Variants in PRICKLE2 observed in about 807,000 individuals in gnomAD.
The protein encoded by PRICKLE2 is prickle planar cell polarity protein 2.
PRICKLE2 carries 21 observed loss-of-function variants against 81.4 expected under a neutral mutation model. The ratio of observed to expected loss-of-function variants is 0.26; its 90% confidence interval spans 0.18 to 0.37. PRICKLE2 has a LOEUF of 0.37. Ranked by LOEUF, PRICKLE2 falls within the 10% of genes least tolerant of loss-of-function variation. The probability of loss-of-function intolerance (pLI) is 1.00; values close to 1 mark genes in which losing one functional copy is unlikely to be tolerated. For synonymous variants in PRICKLE2, 456 were observed against 421.5 expected, an observed-to-expected ratio of 1.08 and a Z score of -1.00; for missense variants, 940 against 1,109.0, an observed-to-expected ratio of 0.85 and a Z score of 2.16.
At chr3:64,151,744 T>C (rs533334271) in intron 6 of PRICKLE2, among the ~76,000 whole-genome samples, 67 of 152,306 alleles carry the variant, frequency 4.4e-4, no homozygotes, top group African/African-American at 1.6e-3. Flanking sequence ...ACACGTCTTG[T>C]CACTTGTCAC....
chr3:64,244,640 TAGAG>T (rs1485302019), intron 2 of PRICKLE2, among the ~76,000 whole-genome samples: 2 of 139,744 alleles, frequency 1.4e-5, no homozygotes, highest in African/African-American at 2.8e-5. Context: ...GTGTGTCTGA[TAGAG>T]AGGGAGAACG....
intron 7 of PRICKLE2, among the ~76,000 whole-genome samples, chr3:64,137,524 T>TA (rs2077296097): frequency 6.6e-6 from 1 of 152,102 alleles, no homozygotes; most frequent in Non-Finnish European, 1.5e-5. Flanking sequence ...AGGTTATAAA[T>TA]AAGACTTTTG....
At chr3:64,267,775 CG>C (rs1004272704) in intron 2 of PRICKLE2, 3 of 152,216 alleles carry the variant, frequency 2.0e-5, no homozygotes, top group Admixed American at 2.0e-4. Flanking sequence ...GGTGGCAAAG[CG>C]CATCTCTCCC....
At chr3:64,121,069 G>T (rs2077017037) in intron 7 of PRICKLE2, among the ~76,000 whole-genome samples, 1 of 152,124 alleles carries the variant, frequency 6.6e-6, no homozygotes, top group Non-Finnish European at 1.5e-5. Flanking sequence ...AGGCAACGTG[G>T]GTTTGGCTGG....
intron 7 of PRICKLE2, among the ~76,000 whole-genome samples, chr3:64,130,378 C>T (rs1028992857): frequency 6.6e-6 from 1 of 152,110 alleles, no homozygotes; most frequent in Non-Finnish European, 1.5e-5. Flanking sequence ...AACTTGCCCG[C>T]GGCCACAGAG....
Position 64,098,692 on chromosome 3 carries a change from T to G in PRICKLE2, c.*359A>C. ...GGGTCCTGGCTAATAAACAAATTAC[T>G]TACTGAAAAAAGGGTCCTAAAAGTA... On this transcript the variant is annotated 3_prime_UTR_variant, in exon 8 of 8. Transcript: ENST00000638394. 3.8e-6 allele frequency: 1 copy of G among 261,016 alleles called. No individual in the cohort carries two copies. Among genetic ancestry groups the G allele is most frequent in the Non-Finnish European group, 7.4e-6 (1 of 134,372 alleles). The allele number at this position is 261,016 out of a possible 1,614,324, so 16.2% of individuals were successfully genotyped here.
chr3:64,149,956 G>C (rs1016959586), intron 6 of PRICKLE2, among the ~76,000 whole-genome samples: 15 of 144,416 alleles, frequency 1.0e-4, no homozygotes, highest in Non-Finnish European at 2.0e-4. Flanking sequence ...TGAATCAACT[G>C]AATCAACTCC....
chr3:64,163,080 T>C lies in PRICKLE2; in HGVS notation c.194A>G (p.Asn65Ser), dbSNP rs1338458844. 1 of 1,613,834 alleles carries C rather than the reference T, an allele frequency of 6.2e-7. No individual in the cohort carries two copies. The highest frequency in any genetic ancestry group is 8.5e-7 in the Non-Finnish European group (1 of 1,179,876). The change falls in exon 3 of 8, where the codon AAC (asparagine) becomes AGC (serine). Residue 65 changes from asparagine (N) to serine (S), a missense_variant. Asn to Ser is a conservative substitution (Grantham distance 46). Coordinates refer to ENST00000638394, the MANE Select transcript of PRICKLE2 (RefSeq NM_198859.4). Reference sequence around the variant, plus strand: ...GATTCGCAGTTTCTCTCCAGGACTGTTGACATAAGGGACTTTCTCTTCTGG... The same window carrying C: ...GATTCGCAGTTTCTCTCCAGGACTGCTGACATAAGGGACTTTCTCTTCTGG... Reference protein sequence around the residue: ...CLPEEKVPYVNSPGEKLRIKQ... With the variant: ...CLPEEKVPYVSSPGEKLRIKQ...
Position 64,140,086 on chromosome 3 carries a change from A to G in PRICKLE2, c.1660+6744T>C, listed in dbSNP as rs538857408. Among the ~76,000 whole-genome samples, 10 of 152,354 alleles carry G rather than the reference A, an allele frequency of 6.6e-5. No individual in the cohort carries two copies. The South Asian group carries it at 1.9e-3, about 28-fold the overall frequency. On this transcript the variant is annotated intron_variant, in intron 7 of 7. Transcript: ENST00000638394. The stretch of plus-strand genomic sequence containing the variant: ...AAATACTAATACCAACCAGTATTCA[A>G]TGAGCACTTAGAGGGTGTTAGACAC...
chr3:64,174,705 C>T (rs553849909), intron 2 of PRICKLE2: 17 of 204,090 alleles, frequency 8.3e-5, no homozygotes, highest in East Asian at 3.7e-4. Flanking sequence ...CTTTGTGTGT[C>T]GACAACAATT....
chr3:64,100,082 G>A (rs562728481), intron 7 of PRICKLE2, 157 bp from the exon 8 acceptor site: 1 of 729,234 alleles, frequency 1.4e-6, no homozygotes, highest in Admixed American at 2.4e-5. Flanking sequence ...CTGTGAGGGG[G>A]TTCTCTCCAC....
At chr3:64,150,316 T>C (rs935303219) in intron 6 of PRICKLE2, among the ~76,000 whole-genome samples, 6 of 152,086 alleles carry the variant, frequency 3.9e-5, no homozygotes, top group Non-Finnish European at 5.9e-5. Context: ...AATTGCTTCA[T>C]TTCTCTTTGT....
In PRICKLE2 at chr3:64,095,612, C is replaced by G. The variant is rs1384644799; in HGVS notation, c.*3439G>C. 2 of 152,106 alleles carry G rather than the reference C, an allele frequency of 1.3e-5. No individual in the cohort carries two copies. Among genetic ancestry groups the G allele is most frequent in the Non-Finnish European group, 2.9e-5 (2 of 68,032 alleles). The allele number at this position is 152,106 out of a possible 1,614,324, so 9.4% of individuals were successfully genotyped here. A position where few individuals can be genotyped will look rare whatever the true frequency, so the allele number is the denominator to read the frequency against. Reference sequence around the variant, plus strand: ...TGAATTGAACAATAGCTAGTAGTACCCAAGAAGCAGAAAGCTGCTGCAGAA... The same window carrying G: ...TGAATTGAACAATAGCTAGTAGTACGCAAGAAGCAGAAAGCTGCTGCAGAA... On this transcript the variant is annotated 3_prime_UTR_variant, in exon 8 of 8. Coordinates refer to ENST00000638394, the MANE Select transcript of PRICKLE2 (RefSeq NM_198859.4).
At chr3:64,239,856 T>G (rs2079236339) in intron 2 of PRICKLE2, among the ~76,000 whole-genome samples, 1 of 149,108 alleles carries the variant, frequency 6.7e-6, no homozygotes, top group South Asian at 2.1e-4. Context: ...GGCTCATGCC[T>G]GTAATCCCAG....
chr3:64,119,914 G>T (rs139142336), intron 7 of PRICKLE2, among the ~76,000 whole-genome samples: 23 of 152,264 alleles, frequency 1.5e-4, no homozygotes, highest in African/African-American at 5.5e-4. Flanking sequence ...TGGCAGCATC[G>T]ATACAGCTGG....
intron 2 of PRICKLE2, among the ~76,000 whole-genome samples, chr3:64,197,038 A>T (rs1012555597): frequency 6.6e-6 from 1 of 152,372 alleles, no homozygotes; most frequent in East Asian, 1.9e-4. Flanking sequence ...TGCAACTTCA[A>T]AATTAGAAGA....
At chr3:64,160,984 A>G (rs943474707) in intron 3 of PRICKLE2, among the ~76,000 whole-genome samples, 1 of 142,786 alleles carries the variant, frequency 7.0e-6, no homozygotes, top group Admixed American at 7.3e-5. Flanking sequence ...ACAAACAAAC[A>G]AAAAAACCAG....
At position 64,198,767 on chromosome 3, in the gene PRICKLE2, C is replaced by A; in HGVS notation, c.144+17G>T. The A allele has an allele frequency of 6.2e-7, 1 of 1,613,750 alleles. No homozygotes were observed. Among genetic ancestry groups the A allele is most frequent in the Non-Finnish European group, 8.5e-7 (1 of 1,179,784 alleles). ...GAAACACCCAAACCACCAGCATGCT[C>A]CCATCCAGAATGGTACCTGTTCAGG... On this transcript the variant is annotated intron_variant, in intron 2 of 7. Coordinates refer to ENST00000638394, the MANE Select transcript of PRICKLE2 (RefSeq NM_198859.4).
chr3:64,175,205 C>G (rs563051430), intron 2 of PRICKLE2: 1 of 165,568 alleles, frequency 6.0e-6, no homozygotes, highest in African/African-American at 2.4e-5. Flanking sequence ...CCAGTTGAAA[C>G]CTGCTTTTAG....
Sources: allele counts gnomAD v4.1 joint callset (sites outside exome capture counted in the v4.1 genomes callset), GRCh38; gene constraint gnomAD v4.1.1; transcripts MANE v1.5; gene names NCBI Gene and HGNC (gene_info 2026-07-23, HGNC 2026-07-21).